DPP10: variants seen among roughly 807,000 people sequenced by gnomAD.
DPP10 encodes inactive dipeptidyl peptidase 10.
In DPP10, 33 loss-of-function variants were observed where a neutral mutation model predicts 120.9. That is an observed-to-expected ratio of 0.27 (90% CI 0.21 to 0.37). The LOEUF is 0.37. Ranked by LOEUF, DPP10 falls within the 10% of genes least tolerant of loss-of-function variation. The probability of loss-of-function intolerance (pLI) is 1.00; values close to 1 mark genes in which losing one functional copy is unlikely to be tolerated. For missense variants in DPP10, 816 were observed against 942.8 expected (o/e 0.87, Z 1.76); for synonymous variants, 337 against 326.1 (o/e 1.03, Z -0.36).
intron 1 of DPP10, among the ~76,000 whole-genome samples, chr2:115,258,019 T>G (rs2059083531): frequency 6.6e-6 from 1 of 152,204 alleles, no homozygotes; most frequent in Non-Finnish European, 1.5e-5. Flanking sequence ...TCCTCTACTC[T>G]TGTGATTACT....
At chr2:115,083,423 TG>T (rs1194368294) in intron 1 of DPP10, among the ~76,000 whole-genome samples, 1 of 152,190 alleles carries the variant, frequency 6.6e-6, no homozygotes, top group Non-Finnish European at 1.5e-5. Context: ...TGCCATCTGC[TG>T]GCTGGCTATT....
intron 1 of DPP10, among the ~76,000 whole-genome samples, chr2:114,910,473 G>A (rs1443206296): frequency 7.9e-5 from 12 of 151,830 alleles, no homozygotes; most frequent in South Asian, 2.1e-4. Context: ...TAACAAATTC[G>A]ACACAGCTGA....
At chr2:114,777,774 T>C (rs1681895096) in intron 1 of DPP10, among the ~76,000 whole-genome samples, 1 of 152,150 alleles carries the variant, frequency 6.6e-6, no homozygotes, top group African/African-American at 2.4e-5. Flanking sequence ...GGCTATATGG[T>C]AATGACATCA....
chr2:114,618,317 T>C (rs1342847943), intron 1 of DPP10, among the ~76,000 whole-genome samples: 1 of 152,060 alleles, frequency 6.6e-6, no homozygotes, highest in East Asian at 1.9e-4. Context: ...AAGGAAAACA[T>C]AGTCATTTCA....
At chr2:115,170,694 C>G (rs776766273) in intron 1 of DPP10, among the ~76,000 whole-genome samples, 1 of 152,088 alleles carries the variant, frequency 6.6e-6, no homozygotes, top group African/African-American at 2.4e-5. Context: ...AGGGTTATTT[C>G]TTTTTTTCTG....
intron 1 of DPP10, among the ~76,000 whole-genome samples, chr2:115,024,927 A>C (rs1443739021): frequency 6.6e-6 from 1 of 150,524 alleles, no homozygotes; most frequent in African/African-American, 2.4e-5. Context: ...TATATTTTAT[A>C]ATCTTTAAAA....
intron 17 of DPP10, among the ~76,000 whole-genome samples, chr2:115,784,734 G>T (rs1683146340): frequency 6.6e-6 from 1 of 152,014 alleles, no homozygotes; most frequent in Admixed American, 6.6e-5. Flanking sequence ...GGTTTCTCCA[G>T]TTGGTCAGGC....
chr2:114,895,302 C>T (rs146889101), intron 1 of DPP10, among the ~76,000 whole-genome samples: 2 of 152,296 alleles, frequency 1.3e-5, no homozygotes, highest in African/African-American at 4.8e-5. Flanking sequence ...TGACAATGGT[C>T]GAAGAATTGA....
chr2:115,178,470 A>T (rs997931067), intron 1 of DPP10, among the ~76,000 whole-genome samples: 1 of 152,216 alleles, frequency 6.6e-6, no homozygotes, highest in Non-Finnish European at 1.5e-5. Flanking sequence ...TACTACCACG[A>T]CTACTATGAA....
intron 1 of DPP10, among the ~76,000 whole-genome samples, chr2:114,732,955 C>T (rs894612313): frequency 1.3e-4 from 20 of 152,098 alleles, no homozygotes; most frequent in African/African-American, 3.6e-4. Context: ...CTCTATCTGA[C>T]GTCAGAGTCT....
At chr2:115,439,998 GC>G (rs1203947520) in intron 3 of DPP10, among the ~76,000 whole-genome samples, 1 of 152,070 alleles carries the variant, frequency 6.6e-6, no homozygotes, top group Non-Finnish European at 1.5e-5. Context: ...TTGCAAACTT[GC>G]AAAAATATAT....
chr2:115,203,810 T>C (rs2055918219), intron 1 of DPP10, among the ~76,000 whole-genome samples: 1 of 152,126 alleles, frequency 6.6e-6, no homozygotes, highest in South Asian at 2.1e-4. Flanking sequence ...ATGGATTTTT[T>C]CTTGTTAAAT....
At chr2:115,488,633 A>C (rs1280303329) in intron 3 of DPP10, among the ~76,000 whole-genome samples, 15 of 84,452 alleles carry the variant, frequency 1.8e-4, no homozygotes, top group Non-Finnish European at 3.5e-4. Flanking sequence ...CGCAAGAACA[A>C]AAAACCAAAC....
intron 1 of DPP10, among the ~76,000 whole-genome samples, chr2:114,776,263 G>A (rs544945255): frequency 3.3e-5 from 5 of 152,266 alleles, no homozygotes; most frequent in African/African-American, 1.2e-4. Flanking sequence ...GAGGCCTGCT[G>A]AACTCTCTTT....
At chr2:115,552,056 CAA>C (rs1558837386) in intron 5 of DPP10, among the ~76,000 whole-genome samples, 1 of 152,018 alleles carries the variant, frequency 6.6e-6, no homozygotes, top group Non-Finnish European at 1.5e-5. Context: ...CTATTCCAAG[CAA>C]AAGAGTAGAT....
At chr2:115,040,871 C>A (rs1305026894) in intron 1 of DPP10, among the ~76,000 whole-genome samples, 1 of 152,112 alleles carries the variant, frequency 6.6e-6, no homozygotes, top group Admixed American at 6.5e-5. Context: ...GTAATCCCAG[C>A]ACTTTGGGAG....
chr2:114,707,727 C>T (rs72955673), intron 1 of DPP10, among the ~76,000 whole-genome samples: 1,922 of 152,210 alleles, frequency 0.013, 50 homozygotes, highest in African/African-American at 0.044. Context: ...TTCTGTTCTG[C>T]TTAGCTGCTG....
intron 1 of DPP10, among the ~76,000 whole-genome samples, chr2:114,766,650 T>G (rs771441522): frequency 6.6e-6 from 1 of 152,176 alleles, no homozygotes; most frequent in Non-Finnish European, 1.5e-5. Flanking sequence ...TGTAAGAGCT[T>G]TACACTTAGT....
chr2:115,065,002 T>C (rs1320118934), intron 1 of DPP10, among the ~76,000 whole-genome samples: 2 of 152,224 alleles, frequency 1.3e-5, no homozygotes, highest in African/African-American at 4.8e-5. Context: ...TGAAGGATAA[T>C]TTGAATTATT....
Sources: gnomAD v4.1 joint callset for allele counts (sites outside exome capture counted in the v4.1 genomes callset) on GRCh38, gnomAD v4.1.1 for gene constraint, MANE v1.5 for transcripts, NCBI Gene and HGNC (gene_info 2026-07-23, HGNC 2026-07-21) for gene names.